The following MGST1 variants were observed in gnomAD, a reference collection of about 807,000 sequenced individuals.
MGST1 encodes microsomal glutathione S-transferase 1, also known as glutathione S-transferase 12.
MGST1 carries 5 observed loss-of-function variants against 8.9 expected under a neutral mutation model. The ratio of observed to expected loss-of-function variants is 0.56; its 90% confidence interval spans 0.29 to 1.19. MGST1 has a LOEUF of 1.19. Among genes scored for constraint, MGST1 ranks in the 50% most tolerant of loss-of-function variants. MGST1 has a pLI of 0.08. For synonymous variants in MGST1, 54 were observed against 67.8 expected (o/e 0.80, Z 1.00); for missense variants, 182 against 187.4 (o/e 0.97, Z 0.17).
chr12:16,468,674 T>G (rs1359787113), intron 4 of MGST1, among the ~76,000 whole-genome samples: 1 of 152,226 alleles, frequency 6.6e-6, no homozygotes, highest in Non-Finnish European at 1.5e-5. Context: ...GAGTGCTATA[T>G]ACAAAGTAGG....
rs930456249 is a variant in MGST1 at position 16,503,220 on chromosome 12, G to T, written n.483-86308G>T. 1.3e-5 allele frequency among the ~76,000 whole-genome samples: 2 copies of T among 151,966 alleles called. No individual in the cohort carries two copies. The highest frequency in any genetic ancestry group is 2.1e-4 in the South Asian group (1 of 4,800). On this transcript the variant is annotated intron_variant and non_coding_transcript_variant, in intron 4 of 4. Coordinates refer to the MGST1 transcript ENST00000538857. The surrounding 1 kb of genome is among the most constrained non-coding windows in gnomAD (Gnocchi z 4.8). Reference sequence around the variant, plus strand: ...TATTGTTATTCCCCACAATAGTTTGGGTTGGACAGGCAATGTAAATATGGA... The same window carrying T: ...TATTGTTATTCCCCACAATAGTTTGTGTTGGACAGGCAATGTAAATATGGA...
At chr12:16,528,313 G>C (rs1408436199) in intron 4 of MGST1, among the ~76,000 whole-genome samples, 3 of 151,890 alleles carry the variant, frequency 2.0e-5, no homozygotes, top group Admixed American at 1.3e-4. Flanking sequence ...ATGGTACTCT[G>C]GGGAGGATTC....
chr12:16,556,605 A>G (rs1055205072), intron 4 of MGST1, among the ~76,000 whole-genome samples: 1 of 152,234 alleles, frequency 6.6e-6, no homozygotes, highest in Non-Finnish European at 1.5e-5. Context: ...GAAAATGCCT[A>G]TGAATTACCT....
intron 4 of MGST1, among the ~76,000 whole-genome samples, chr12:16,480,679 A>T (rs560087540): frequency 4.6e-5 from 7 of 152,290 alleles, no homozygotes; most frequent in Non-Finnish European, 8.8e-5. Flanking sequence ...AAAGCCAGGG[A>T]TTGGCAAATG....
chr12:16,490,906 T>C (rs1006361232), intron 4 of MGST1, among the ~76,000 whole-genome samples: 2 of 152,190 alleles, frequency 1.3e-5, no homozygotes, highest in Admixed American at 6.5e-5. Flanking sequence ...TATTAAGTAC[T>C]TTCAAGATCT....
chr12:16,584,434 T>C lies in MGST1; in HGVS notation n.483-5094T>C, dbSNP rs1326639116. ...GGAAAGGCATCTGGCCAAAAGATTG[T>C]GGACACAGCAAAAGTTATTGACAAG... On this transcript the variant is annotated intron_variant and non_coding_transcript_variant, in intron 4 of 4. Transcript: ENST00000538857. This position sits in a 1 kb window ranked among gnomAD's most constrained non-coding sequence, Gnocchi z 5.2. 2.6e-5 allele frequency among the ~76,000 whole-genome samples: 4 copies of C among 152,140 alleles called. No individual in the cohort carries two copies. The highest frequency in any genetic ancestry group is 5.9e-5 in the Non-Finnish European group (4 of 68,036).
rs1290806352 is a variant in MGST1 at position 16,358,803 on chromosome 12, T to A, written c.221+1104T>A. Among the ~76,000 whole-genome samples the A allele has an allele frequency of 2.1e-5, 3 of 144,970 alleles. No homozygotes were observed. The East Asian group carries it at 6.1e-4, about 29-fold the overall frequency. On this transcript the variant is annotated intron_variant, in intron 3 of 3. Coordinates refer to ENST00000396210, the MANE Select transcript of MGST1 (RefSeq NM_020300.5). ...CCTTTTTTTTTTTTTTTTTTTTTTT[T>A]TTTTTACAGCTGTGTAGTATTCCAT...
In MGST1 at chr12:16,482,528, G is replaced by C. The variant is rs1421812798; in HGVS notation, n.482+98924G>C. Among the ~76,000 whole-genome samples the C allele has an allele frequency of 6.6e-6, 1 of 152,148 alleles. No individual in the cohort carries two copies. The highest frequency in any genetic ancestry group is 6.5e-5 in the Admixed American group (1 of 15,276). On this transcript the variant is annotated intron_variant and non_coding_transcript_variant, in intron 4 of 4. Transcript: ENST00000538857. This position sits in a 1 kb window ranked among gnomAD's most constrained non-coding sequence, Gnocchi z 4.2. ...CGCCTGTAATCCTAGCTACTCGGGA[G>C]GCCGAGGCAGGAGAATTGCTTGAAA...
intron 3 of MGST1, among the ~76,000 whole-genome samples, chr12:16,359,229 C>T (rs917416729): frequency 2.9e-4 from 44 of 152,160 alleles, no homozygotes; most frequent in African/African-American, 9.9e-4. Flanking sequence ...GTACCTGTAC[C>T]TCCTTCACGC....
At chr12:16,457,068 C>T (rs1291425026) in intron 4 of MGST1, among the ~76,000 whole-genome samples, 2 of 151,934 alleles carry the variant, frequency 1.3e-5, no homozygotes, top group Non-Finnish European at 2.9e-5. Context: ...AGAATTTGGA[C>T]CATCCTTTTA....
intron 4 of MGST1, among the ~76,000 whole-genome samples, chr12:16,511,284 C>T (rs963406036): frequency 1.1e-4 from 17 of 152,202 alleles, no homozygotes; most frequent in Non-Finnish European, 1.9e-4. Context: ...GAATTTGAGT[C>T]TAGCTAACTG....
intron 1 of MGST1, among the ~76,000 whole-genome samples, chr12:16,414,174 T>G (rs1164691064): frequency 6.6e-6 from 1 of 151,828 alleles, no homozygotes; most frequent in East Asian, 1.9e-4. Context: ...TTTATTCCTG[T>G]GGAATATCAA....
At chr12:16,521,016 A>C (rs1436908208) in intron 4 of MGST1, among the ~76,000 whole-genome samples, 3 of 152,136 alleles carry the variant, frequency 2.0e-5, no homozygotes, top group Non-Finnish European at 1.5e-5. Context: ...CAATTCCTTC[A>C]TCCAGTCATG....
At chr12:16,435,802 A>G (rs974508598) in intron 1 of MGST1, among the ~76,000 whole-genome samples, 1 of 151,960 alleles carries the variant, frequency 6.6e-6, no homozygotes, top group Non-Finnish European at 1.5e-5. Context: ...GTTGTTTATT[A>G]TCTTATAATA....
At chr12:16,516,865 T>C (rs1941618356) in intron 4 of MGST1, among the ~76,000 whole-genome samples, 1 of 152,106 alleles carries the variant, frequency 6.6e-6, no homozygotes, top group African/African-American at 2.4e-5. Flanking sequence ...GAGAAATAGA[T>C]TCTAGAGGAA....
downstream of MGST1, among the ~76,000 whole-genome samples, chr12:16,378,915 A>G (rs1940421137): frequency 6.6e-6 from 1 of 152,058 alleles, no homozygotes; most frequent in Non-Finnish European, 1.5e-5. Context: ...AGCAATTGTG[A>G]ATGGGAGTTC....
intron 4 of MGST1, among the ~76,000 whole-genome samples, chr12:16,553,681 C>T (rs542307014): frequency 1.5e-4 from 23 of 152,136 alleles, no homozygotes; most frequent in Middle Eastern, 3.4e-3. Flanking sequence ...GAGCAGATTA[C>T]GACTGGTATG....
At chr12:16,527,859 G>T (rs968655074) in intron 4 of MGST1, among the ~76,000 whole-genome samples, 2 of 152,074 alleles carry the variant, frequency 1.3e-5, no homozygotes, top group Non-Finnish European at 2.9e-5. Flanking sequence ...AGCAATCAGC[G>T]CATACGCCCC....
chr12:16,425,151 T>A (rs1326080047), intron 1 of MGST1, among the ~76,000 whole-genome samples: 1 of 152,076 alleles, frequency 6.6e-6, no homozygotes, highest in Non-Finnish European at 1.5e-5. Context: ...GGTCTTTGAG[T>A]TAAGTTTAGT....
Sources: allele counts gnomAD v4.1 joint callset (sites outside exome capture counted in the v4.1 genomes callset), GRCh38; gene constraint gnomAD v4.1.1; non-coding constraint Gnocchi (gnomAD v3.1); transcripts MANE v1.5; gene names NCBI Gene and HGNC (gene_info 2026-07-23, HGNC 2026-07-21).